ARHGAP24: variants seen among roughly 807,000 people sequenced by gnomAD.
ARHGAP24 encodes rho GTPase-activating protein 24.
A neutral mutation model predicts 76.4 loss-of-function variants in ARHGAP24; 50 were observed. The observed-to-expected ratio is 0.65, with a 90% CI of 0.52 to 0.83. The LOEUF is 0.83. Ranked by LOEUF, ARHGAP24 falls within the 40% of genes least tolerant of loss-of-function variation. The pLI is 0.00. For missense variants in ARHGAP24, 930 were observed against 914.2 expected (o/e 1.02, Z -0.22); for synonymous variants, 345 against 323.3 (o/e 1.07, Z -0.72).
At chr4:85,569,056 A>G (rs763740294) in intron 1 of ARHGAP24, among the ~76,000 whole-genome samples, 2 of 152,250 alleles carry the variant, frequency 1.3e-5, no homozygotes, top group Non-Finnish European at 2.9e-5. Context: ...GGAAGAAACA[A>G]AAATGACCAA....
At chr4:85,928,408 C>T (rs866825297) in intron 4 of ARHGAP24, among the ~76,000 whole-genome samples, 2 of 151,920 alleles carry the variant, frequency 1.3e-5, no homozygotes, top group Non-Finnish European at 2.9e-5. Flanking sequence ...GTGTCTAGTC[C>T]GGAATCTGAG....
chr4:85,966,198 C>A (rs768662835), intron 5 of ARHGAP24, among the ~76,000 whole-genome samples: 1 of 152,090 alleles, frequency 6.6e-6, no homozygotes, highest in South Asian at 2.1e-4. Context: ...CAGGCCAGGG[C>A]CGCACCCTCA....
At chr4:85,563,563 G>A (rs1726683510) in intron 1 of ARHGAP24, among the ~76,000 whole-genome samples, 2 of 152,012 alleles carry the variant, frequency 1.3e-5, no homozygotes, top group South Asian at 4.2e-4. Flanking sequence ...ACCTCCTAAG[G>A]GCCCTATATC....
intron 3 of ARHGAP24, among the ~76,000 whole-genome samples, chr4:85,900,377 G>C (rs1734424858): frequency 6.6e-6 from 1 of 151,886 alleles, no homozygotes; most frequent in South Asian, 2.1e-4. Context: ...GAAAAACTAA[G>C]TAATATACAG....
intron 2 of ARHGAP24, among the ~76,000 whole-genome samples, chr4:85,627,010 A>C (rs1378120066): frequency 6.6e-6 from 1 of 151,902 alleles, no homozygotes; most frequent in Non-Finnish European, 1.5e-5. Flanking sequence ...CTTCTTTGCC[A>C]TTGGTTCGAA....
At chr4:85,875,603 T>C (rs1184130990) in intron 3 of ARHGAP24, among the ~76,000 whole-genome samples, 1 of 116,906 alleles carries the variant, frequency 8.6e-6, no homozygotes, top group East Asian at 2.1e-4. Context: ...ATTATATTTT[T>C]ATATTATATA....
At chr4:85,636,790 T>G (rs28758413) in intron 2 of ARHGAP24, among the ~76,000 whole-genome samples, 71 of 152,202 alleles carry the variant, frequency 4.7e-4, no homozygotes, top group African/African-American at 1.6e-3. Flanking sequence ...ATTTCTCTTT[T>G]TTAATGCCAG....
At chr4:85,719,905 C>CTCT in intron 2 of ARHGAP24, among the ~76,000 whole-genome samples, 2 of 151,930 alleles carry the variant, frequency 1.3e-5, no homozygotes, top group African/African-American at 4.8e-5. Context: ...ATAAAATTGC[C>CTCT]AGGGAAAGAA....
intron 3 of ARHGAP24, among the ~76,000 whole-genome samples, chr4:85,851,088 C>G (rs1731202143): frequency 6.6e-6 from 1 of 152,092 alleles, no homozygotes; most frequent in Non-Finnish European, 1.5e-5. Flanking sequence ...GAGTCTAAGT[C>G]TCTTTGTAGG....
intron 2 of ARHGAP24, among the ~76,000 whole-genome samples, chr4:85,671,332 T>C (rs1722809200): frequency 6.6e-6 from 1 of 152,212 alleles, no homozygotes; most frequent in Non-Finnish European, 1.5e-5. Context: ...TTCCCTGTGT[T>C]TCCTCTATAT....
chr4:85,604,825 A>G (rs4693714), intron 2 of ARHGAP24, among the ~76,000 whole-genome samples: 140,122 of 150,672 alleles, frequency 0.93, 65,181 homozygotes, highest in East Asian at 0.97. Flanking sequence ...TGATCTGCCC[A>G]CATTGGCCTC....
At chr4:85,661,979 CG>C (rs1251466430) in intron 2 of ARHGAP24, among the ~76,000 whole-genome samples, 6 of 152,150 alleles carry the variant, frequency 3.9e-5, no homozygotes, top group African/African-American at 1.4e-4. Flanking sequence ...AGTAAACATA[CG>C]TGTGCATGTG....
At chr4:85,627,769 G>A (rs776748710) in intron 2 of ARHGAP24, among the ~76,000 whole-genome samples, 1 of 152,098 alleles carries the variant, frequency 6.6e-6, no homozygotes, top group Admixed American at 6.6e-5. Context: ...CAACTAACTG[G>A]GCCATGGCAG....
intron 2 of ARHGAP24, among the ~76,000 whole-genome samples, chr4:85,591,991 G>T (rs1728132323): frequency 6.6e-6 from 1 of 152,196 alleles, no homozygotes; most frequent in South Asian, 2.1e-4. Flanking sequence ...TATCATGGCA[G>T]AAGGGAAAGC....
intron 2 of ARHGAP24, among the ~76,000 whole-genome samples, chr4:85,657,698 C>T (rs982429651): frequency 9.2e-5 from 14 of 152,166 alleles, no homozygotes; most frequent in African/African-American, 3.4e-4. Context: ...AAAATGCAAA[C>T]ATTGCCGGGG....
intron 3 of ARHGAP24, among the ~76,000 whole-genome samples, chr4:85,798,373 G>C (rs1167884371): frequency 6.6e-6 from 1 of 152,184 alleles, no homozygotes; most frequent in Non-Finnish European, 1.5e-5. Flanking sequence ...TGAGTGCCAA[G>C]AGTTGGGACT....
chr4:85,576,975 CATT>C (rs1364741600), intron 2 of ARHGAP24, among the ~76,000 whole-genome samples: 1 of 151,732 alleles, frequency 6.6e-6, no homozygotes, highest in African/African-American at 2.4e-5. Context: ...TACTTCATAA[CATT>C]ATTTTGGGTA....
intron 3 of ARHGAP24, among the ~76,000 whole-genome samples, chr4:85,914,618 T>A (rs369288049): frequency 2.0e-5 from 3 of 152,238 alleles, no homozygotes; most frequent in African/African-American, 7.2e-5. Context: ...TGGCCCTTTA[T>A]CAACTTATTG....
chr4:85,684,920 A>G (rs1329804634), intron 2 of ARHGAP24, among the ~76,000 whole-genome samples: 2 of 152,000 alleles, frequency 1.3e-5, no homozygotes. Flanking sequence ...TCCTACAGTA[A>G]CACTCTGTAG....
Sources: gnomAD v4.1 joint callset for allele counts (sites outside exome capture counted in the v4.1 genomes callset) on GRCh38, gnomAD v4.1.1 for gene constraint, MANE v1.5 for transcripts, NCBI Gene and HGNC (gene_info 2026-07-23, HGNC 2026-07-21) for gene names.